The following BANP variants were observed in gnomAD, a reference collection of about 807,000 sequenced individuals.
The protein encoded by BANP is BTG3 associated nuclear protein, also known as protein BANP.
A neutral mutation model predicts 68.1 loss-of-function variants in BANP; 11 were observed. That is an observed-to-expected ratio of 0.16 (90% confidence interval 0.10 to 0.27). The LOEUF (loss-of-function observed/expected upper bound fraction) is 0.27. Ranked by LOEUF, BANP falls within the 10% of genes least tolerant of loss-of-function variation. The probability of loss-of-function intolerance (pLI) is 1.00; values close to 1 mark genes in which losing one functional copy is unlikely to be tolerated. For missense variants in BANP, 504 were observed against 722.7 expected (o/e 0.70, Z 3.47); for synonymous variants, 329 against 303.2 (o/e 1.09, Z -0.88).
chr16:88,063,252 C>G (rs1036060467), intron 11 of BANP, among the ~76,000 whole-genome samples: 1 of 152,240 alleles, frequency 6.6e-6, no homozygotes, highest in Non-Finnish European at 1.5e-5. Context: ...AGGCCCAGTG[C>G]CTCGGCTTTC....
intron 12 of BANP, 35 bp from the exon 13 acceptor site, chr16:88,072,034 A>C: frequency 6.5e-7 from 1 of 1,545,226 alleles, no homozygotes; most frequent in African/African-American, 1.4e-5. Context: ...GTTGTGGGCC[A>C]CGCCGCTGAC....
chr16:88,065,159 C>T, intron 11 of BANP, 108 bp from the exon 12 acceptor site: 1 of 595,294 alleles, frequency 1.7e-6, no homozygotes. Flanking sequence ...GACCCCGTGG[C>T]TTTACCGGAG....
chr16:87,981,139 ACT>A lies in BANP; in HGVS notation c.162+15_162+16del, dbSNP rs1567650890. ...ATCCATCTATAAAGGTAAAAATCTG[ACT>A]CTGTTCTGTGGTGTGTAGTGCGTTG... On this transcript the variant is annotated intron_variant, in intron 3 of 13. Transcript: ENST00000682872. 5.0e-6 allele frequency: 8 copies of A among 1,604,322 alleles called. No homozygotes were observed. Among genetic ancestry groups the A allele is most frequent in the East Asian group, 4.5e-5 (2 of 44,810 alleles).
At chr16:88,052,688 C>T (rs2083538660) in intron 11 of BANP, among the ~76,000 whole-genome samples, 1 of 151,980 alleles carries the variant, frequency 6.6e-6, no homozygotes, top group Non-Finnish European at 1.5e-5. Flanking sequence ...ATCACCACCA[C>T]CTCGACCACT....
Position 88,032,403 on chromosome 16 carries a change from T to C in BANP, c.1064-706T>C, listed in dbSNP as rs576383137. ...TTTTAGTAGAGATGGGGTTTCACCA[T>C]GTTGGCCAGGCTGGTCTTGAACTCG... On this transcript the variant is annotated intron_variant, in intron 8 of 13. Transcript: ENST00000682872. Among the ~76,000 whole-genome samples, 322 of 152,232 alleles carry C rather than the reference T, an allele frequency of 2.1e-3. 2 individuals carry two copies. Among genetic ancestry groups the C allele is most frequent in the Middle Eastern group, 6.8e-3 (2 of 294 alleles).
intron 11 of BANP, among the ~76,000 whole-genome samples, chr16:88,039,715 C>T (rs1437904714): frequency 7.0e-6 from 1 of 142,720 alleles, no homozygotes; most frequent in Non-Finnish European, 1.6e-5. Flanking sequence ...CCGTTGGCTC[C>T]AGCACAGATC....
intron 13 of BANP, among the ~76,000 whole-genome samples, chr16:88,072,672 C>T (rs1045829432): frequency 2.0e-5 from 3 of 152,376 alleles, no homozygotes; most frequent in African/African-American, 4.8e-5. Flanking sequence ...GATGGCCCAG[C>T]GGGCCCAGGC....
intron 1 of BANP, among the ~76,000 whole-genome samples, chr16:87,960,436 C>T (rs951449454): frequency 3.3e-5 from 5 of 152,122 alleles, no homozygotes; most frequent in Admixed American, 2.0e-4. Flanking sequence ...TGGGGCACAT[C>T]GTGTATTGGC....
At chr16:88,023,195 C>T (rs2076336083) in intron 7 of BANP, among the ~76,000 whole-genome samples, 1 of 152,170 alleles carries the variant, frequency 6.6e-6, no homozygotes, top group Non-Finnish European at 1.5e-5. Flanking sequence ...GTGTGGGCTT[C>T]AGGCAGAAAA....
chr16:88,002,311 T>C lies in BANP; in HGVS notation c.363-1984T>C, dbSNP rs2069641521. On this transcript the variant is annotated intron_variant, in intron 4 of 13. Transcript: ENST00000682872. The surrounding 1 kb of genome is among the most constrained non-coding windows in gnomAD (Gnocchi z 4.6). ...TTTTTGATGATCTCTGTCTATTTTG[T>C]TGAAAGCAAAGATTGCAACCCAGCT... is the stretch of plus-strand genomic sequence containing the variant. Among the ~76,000 whole-genome samples the C allele has an allele frequency of 6.6e-6, 1 of 152,142 alleles. No individual in the cohort carries two copies. Among genetic ancestry groups the C allele is most frequent in the Admixed American group, 6.5e-5 (1 of 15,274 alleles).
intron 12 of BANP, among the ~76,000 whole-genome samples, chr16:88,068,925 G>A (rs1211774564): frequency 6.6e-6 from 1 of 151,624 alleles, no homozygotes; most frequent in Non-Finnish European, 1.5e-5. Context: ...GAGTCTCTGC[G>A]GCTGACAGGG....
In BANP at chr16:88,071,503, C is replaced by T. The variant is rs1256751092; in HGVS notation, c.1378-566C>T. 1 of 456,312 alleles carries T rather than the reference C, an allele frequency of 2.2e-6. No homozygotes were observed. The highest frequency in any genetic ancestry group is 4.4e-6 in the Non-Finnish European group (1 of 226,864). The allele number at this position is 456,312 out of a possible 1,614,324, so 28.3% of individuals were successfully genotyped here. A position where few individuals can be genotyped will look rare whatever the true frequency, so the allele number is the denominator to read the frequency against. Reference sequence around the variant, plus strand: ...CCAGCGGGGCTCTCTGCCACCAGGACTCACTTCCGCCCATCTTGGAACTGG... The same window carrying T: ...CCAGCGGGGCTCTCTGCCACCAGGATTCACTTCCGCCCATCTTGGAACTGG... On this transcript the variant is annotated intron_variant, in intron 12 of 13. Coordinates refer to ENST00000682872, the MANE Select transcript of BANP (RefSeq NM_001386991.1). The surrounding 1 kb of genome is among the most constrained non-coding windows in gnomAD (Gnocchi z 6.5).
At chr16:87,952,060 A>C (rs983386433) in intron 1 of BANP, 1 of 152,126 alleles carries the variant, frequency 6.6e-6, no homozygotes, top group Admixed American at 6.5e-5. Flanking sequence ...CGACGACCCC[A>C]GCCCGTCCCC....
chr16:87,985,534 C>T (rs762078801), intron 4 of BANP, among the ~76,000 whole-genome samples: 2 of 151,780 alleles, frequency 1.3e-5, no homozygotes. Flanking sequence ...GTCCTCTTAC[C>T]CTAAAATGCA....
At chr16:88,056,912 T>C (rs528878974) in intron 11 of BANP, among the ~76,000 whole-genome samples, 5 of 152,344 alleles carry the variant, frequency 3.3e-5, no homozygotes, top group African/African-American at 1.2e-4. Context: ...GGAAATACTC[T>C]TGTTTGAGCC....
intron 7 of BANP, among the ~76,000 whole-genome samples, chr16:88,020,432 G>A (rs963236156): frequency 3.9e-5 from 6 of 152,244 alleles, no homozygotes; most frequent in African/African-American, 1.2e-4. Context: ...CTTCGTGCTG[G>A]TGCTTGCTGT....
At chr16:88,044,495 C>A (rs1275573199) in intron 11 of BANP, among the ~76,000 whole-genome samples, 3 of 152,194 alleles carry the variant, frequency 2.0e-5, no homozygotes, top group African/African-American at 7.2e-5. Context: ...TTCTGTTTCT[C>A]TTCCTTTTTG....
intron 1 of BANP, among the ~76,000 whole-genome samples, chr16:87,955,132 AG>A (rs1271497085): frequency 6.6e-6 from 1 of 152,170 alleles, no homozygotes; most frequent in Non-Finnish European, 1.5e-5. Flanking sequence ...GGGGTCCAGG[AG>A]GGCCTGCAGT....
intron 6 of BANP, among the ~76,000 whole-genome samples, chr16:88,016,291 C>T (rs934199055): frequency 6.6e-6 from 1 of 152,206 alleles, no homozygotes; most frequent in Non-Finnish European, 1.5e-5. Context: ...CCAGAGCCGC[C>T]TCGGCCACTG....
Sources: gnomAD v4.1 joint callset for allele counts (sites outside exome capture counted in the v4.1 genomes callset) on GRCh38, gnomAD v4.1.1 for gene constraint, Gnocchi (gnomAD v3.1) non-coding constraint, MANE v1.5 for transcripts, NCBI Gene and HGNC (gene_info 2026-07-23, HGNC 2026-07-21) for gene names.